The following GALNTL6 variants were observed in gnomAD, a reference collection of about 807,000 sequenced individuals.
GALNTL6 encodes polypeptide N-acetylgalactosaminyltransferase like 6.
In GALNTL6, 46 loss-of-function variants were observed where a neutral mutation model predicts 73.7. That is an observed-to-expected ratio of 0.62 (90% confidence interval 0.49 to 0.80). GALNTL6 has a LOEUF of 0.80. Ranked by LOEUF, GALNTL6 falls within the 30% of genes least tolerant of loss-of-function variation. GALNTL6 has a pLI of 0.00. For synonymous variants in GALNTL6, 259 were observed against 263.7 expected (o/e 0.98, Z 0.17); for missense variants, 604 against 755.0 (o/e 0.80, Z 2.34).
chr4:172,484,357 A>G (rs1453493826), intron 5 of GALNTL6, among the ~76,000 whole-genome samples: 1 of 152,156 alleles, frequency 6.6e-6, no homozygotes, highest in Non-Finnish European at 1.5e-5. Context: ...ATAATATTTA[A>G]TGTTTAATAT....
At chr4:172,262,561 G>A (rs1035015578) in intron 3 of GALNTL6, among the ~76,000 whole-genome samples, 1 of 151,374 alleles carries the variant, frequency 6.6e-6, no homozygotes, top group African/African-American at 2.4e-5. Flanking sequence ...ATTGTTTGGT[G>A]GATTTTTAGC....
intron 5 of GALNTL6, among the ~76,000 whole-genome samples, chr4:172,407,759 A>G (rs1744289953): frequency 6.6e-6 from 1 of 152,034 alleles, no homozygotes; most frequent in Non-Finnish European, 1.5e-5. Flanking sequence ...TAAAACACAT[A>G]CCGGTTTTTT....
chr4:172,120,093 C>A (rs1014727334), intron 2 of GALNTL6, among the ~76,000 whole-genome samples: 8 of 152,170 alleles, frequency 5.3e-5, no homozygotes, highest in African/African-American at 1.9e-4. Context: ...TCCCACTTGA[C>A]TACTTTTTCC....
At chr4:172,271,364 A>T (rs2111057985) in intron 3 of GALNTL6, among the ~76,000 whole-genome samples, 1 of 152,308 alleles carries the variant, frequency 6.6e-6, no homozygotes, top group East Asian at 1.9e-4. Flanking sequence ...ATATAGACAC[A>T]CACATAGAGA....
intron 2 of GALNTL6, among the ~76,000 whole-genome samples, chr4:171,942,269 T>TAAATAAATAAATAAATAAAAAA (rs1423565851): frequency 3.5e-5 from 5 of 144,214 alleles, no homozygotes; most frequent in African/African-American, 1.0e-4. Flanking sequence ...TAAATAAATA[T>TAAATAAATAAATAAATAAAAAA]AATATACAGA....
chr4:172,913,709 A>G (rs748277751), intron 8 of GALNTL6, among the ~76,000 whole-genome samples: 9 of 152,216 alleles, frequency 5.9e-5, no homozygotes, highest in Non-Finnish European at 1.3e-4. Flanking sequence ...GTGAAAAGAA[A>G]TGAACAAAGC....
chr4:172,614,596 AT>A (rs1738653145), intron 5 of GALNTL6, among the ~76,000 whole-genome samples: 1 of 152,196 alleles, frequency 6.6e-6, no homozygotes, highest in African/African-American at 2.4e-5. Context: ...AGAAAGGATA[AT>A]TTGATGATAA....
chr4:172,004,795 T>C (rs1740783661), intron 2 of GALNTL6, among the ~76,000 whole-genome samples: 1 of 151,982 alleles, frequency 6.6e-6, no homozygotes, highest in Non-Finnish European at 1.5e-5. Context: ...AAGCAGACTT[T>C]GTCTCCTTTA....
chr4:172,425,253 T>C (rs1018537745), intron 5 of GALNTL6: 5 of 152,060 alleles, frequency 3.3e-5, no homozygotes, highest in African/African-American at 1.2e-4. Context: ...AGGTATGCAA[T>C]GAATATGATA....
chr4:172,652,155 G>C (rs1315487111), intron 5 of GALNTL6, among the ~76,000 whole-genome samples: 1 of 152,176 alleles, frequency 6.6e-6, no homozygotes, highest in East Asian at 1.9e-4. Context: ...ATGGGGATTA[G>C]TTTTCCCTTT....
intron 10 of GALNTL6, among the ~76,000 whole-genome samples, chr4:173,007,703 G>A (rs1561082849): frequency 6.6e-6 from 1 of 152,256 alleles, no homozygotes; most frequent in African/African-American, 2.4e-5. Context: ...CTATTCAGGA[G>A]GCTGAGGTAG....
At chr4:172,196,942 G>T (rs953043859) in intron 2 of GALNTL6, among the ~76,000 whole-genome samples, 2 of 152,148 alleles carry the variant, frequency 1.3e-5, no homozygotes, top group African/African-American at 4.8e-5. Context: ...CCCGCCAGGG[G>T]AATCAGGCAA....
chr4:172,885,178 C>T (rs73000181), intron 8 of GALNTL6, among the ~76,000 whole-genome samples: 20,737 of 151,976 alleles, frequency 0.14, 3,067 homozygotes, highest in African/African-American at 0.36. Context: ...GGTAATTTGA[C>T]ATGGATTACA....
intron 10 of GALNTL6, among the ~76,000 whole-genome samples, chr4:172,981,895 C>A (rs543992186): frequency 6.8e-6 from 1 of 147,308 alleles, no homozygotes; most frequent in African/African-American, 2.5e-5. Context: ...CTCCCAGGTT[C>A]AAGCGATTCT....
chr4:172,530,388 T>A (rs1401759757), intron 5 of GALNTL6, among the ~76,000 whole-genome samples: 2 of 152,236 alleles, frequency 1.3e-5, no homozygotes, highest in African/African-American at 4.8e-5. Context: ...CTGGATATTC[T>A]GATTCCATGT....
chr4:173,018,098 G>A (rs1341017875), intron 11 of GALNTL6, among the ~76,000 whole-genome samples: 1 of 152,144 alleles, frequency 6.6e-6, no homozygotes, highest in Non-Finnish European at 1.5e-5. Flanking sequence ...GAGACAGAGA[G>A]GGAAATAAAT....
intron 3 of GALNTL6, among the ~76,000 whole-genome samples, chr4:172,288,989 A>G (rs1364216921): frequency 1.3e-5 from 2 of 152,188 alleles, no homozygotes; most frequent in African/African-American, 4.8e-5. Flanking sequence ...ATTTAAAAAT[A>G]TAGGATAGCA....
At position 172,966,918 on chromosome 4, in the gene GALNTL6, C is replaced by A. The variant is rs148203539; in HGVS notation, c.1371+14660C>A. Among the ~76,000 whole-genome samples, 1,328 of 152,306 alleles carry A rather than the reference C, an allele frequency of 8.7e-3. 19 individuals are homozygous for A. The highest frequency in any genetic ancestry group is 0.03 in the African/African-American group (1,258 of 41,574). On this transcript the variant is annotated intron_variant, in intron 10 of 12. Transcript: ENST00000506823. ...AAAGGTAAGTTGTCTCTTACATTCA[C>A]AGGAGAGACCTTTTTAGCAACCTCA... is the stretch of plus-strand genomic sequence containing the variant.
At chr4:172,694,523 A>G (rs1733562565) in intron 5 of GALNTL6, among the ~76,000 whole-genome samples, 1 of 152,146 alleles carries the variant, frequency 6.6e-6, no homozygotes, top group Admixed American at 6.6e-5. Context: ...TATATGCCAC[A>G]TTGTCTTTAT....
Sources: gnomAD v4.1 joint callset for allele counts (sites outside exome capture counted in the v4.1 genomes callset) on GRCh38, gnomAD v4.1.1 for gene constraint, MANE v1.5 for transcripts, NCBI Gene and HGNC (gene_info 2026-07-23, HGNC 2026-07-21) for gene names.